TNS4: variants seen among roughly 807,000 people sequenced by gnomAD.
The protein encoded by TNS4 is tensin 4.
In TNS4, 46 loss-of-function variants were observed where a neutral mutation model predicts 70.4. The observed-to-expected ratio is 0.65, with a 90% confidence interval of 0.52 to 0.84. The LOEUF is 0.84. Among genes scored for constraint, TNS4 ranks in the 40% least tolerant of loss-of-function variants. The pLI is 0.00. For missense variants in TNS4, 863 were observed against 907.0 expected (o/e 0.95, Z 0.62); for synonymous variants, 390 against 366.6 (o/e 1.06, Z -0.73).
rs552620387 is a variant in TNS4 at position 40,488,816 on chromosome 17, C to T, written c.593G>A (p.Ser198Asn). 2 of 1,613,346 alleles carry T rather than the reference C, an allele frequency of 1.2e-6. No individual in the cohort carries two copies. Among genetic ancestry groups the T allele is most frequent in the African/African-American group, 1.3e-5 (1 of 74,898 alleles). ...RDVPRETRSSSESLIFSGNQG... is the reference protein window; with the variant it reads ...RDVPRETRSSNESLIFSGNQG... ...GTTCCCAGAGAAGATGAGGCTCTCA[C>T]TGCTGCTTCGTGTCTCTCGGGGGAC... Residue 198 changes from serine to asparagine, a missense_variant, in exon 3 of 13, where the codon AGT becomes AAT. By Grantham distance (46) the Ser-to-Asn change is conservative. Coordinates refer to ENST00000254051, the MANE Select transcript of TNS4 (RefSeq NM_032865.6).
chr17:40,479,533 G>T, intron 10 of TNS4, 141 bp downstream of exon 10: 1 of 1,000,982 alleles, frequency 1.0e-6, no homozygotes. Context: ...GCTGCCTGGA[G>T]TCACTCAGCA....
Position 40,478,437 on chromosome 17 carries a change from C to T in TNS4, c.1980-104G>A. 3.3e-6 allele frequency: 5 copies of T among 1,526,034 alleles called. No individual in the cohort carries two copies. The South Asian group carries it at 4.8e-5, about 15-fold the overall frequency. The allele number at this position is 1,526,034 out of a possible 1,614,324, so 94.5% of individuals were successfully genotyped here. The stretch of plus-strand genomic sequence containing the variant: ...CAGCTGCGTCCCCACCCCACCATGC[C>T]CCACCCTACCCTCATTCTGTCACCC... On this transcript the variant is annotated intron_variant, in intron 11 of 12. Transcript: ENST00000254051.
At chr17:40,500,598 C>T (rs2143840606) in intron 1 of TNS4, among the ~76,000 whole-genome samples, 1 of 152,258 alleles carries the variant, frequency 6.6e-6, no homozygotes, top group Non-Finnish European at 1.5e-5. Flanking sequence ...TCTGGGGAGT[C>T]CTGGTGCCTT....
chr17:40,481,522 G>A (rs900043221), intron 8 of TNS4, among the ~76,000 whole-genome samples: 1 of 152,018 alleles, frequency 6.6e-6, no homozygotes, highest in Non-Finnish European at 1.5e-5. Flanking sequence ...CCACCACCAC[G>A]CCCAGCTAAA....
chr17:40,492,528 C>T (rs929656227), intron 2 of TNS4, among the ~76,000 whole-genome samples: 1 of 152,042 alleles, frequency 6.6e-6, no homozygotes, highest in African/African-American at 2.4e-5. Flanking sequence ...CCATCACACC[C>T]AACTAATTTT....
chr17:40,492,094 A>G (rs7214311), intron 2 of TNS4, among the ~76,000 whole-genome samples: 48,458 of 151,978 alleles, frequency 0.32, 8,042 homozygotes, highest in South Asian at 0.44. Context: ...TTTGTGAAGC[A>G]CCCAGGAGGT....
rs766495057 is a variant in TNS4, at chr17:40,479,797, G to A, written c.1787C>T (p.Thr596Ile). The stretch of plus-strand genomic sequence containing the variant: ...GGCTTTCTGCACGGCCAGGGCTCCA[G>A]TCAGGGTCTCCACGCTCACTGAGCT... Reference protein sequence around the residue: ...YLSSVSVETLTGALAVQKAIS... With the variant: ...YLSSVSVETLIGALAVQKAIS... Residue 596 changes from threonine to isoleucine, a missense_variant, in exon 10 of 13, where the codon ACT (threonine) becomes ATT (isoleucine). Coordinates refer to ENST00000254051, the MANE Select transcript of TNS4 (RefSeq NM_032865.6). 6.2e-7 allele frequency: 1 copy of A among 1,613,914 alleles called. No homozygotes were observed. The highest frequency in any genetic ancestry group is 8.5e-7 in the Non-Finnish European group (1 of 1,179,996).
intron 1 of TNS4, among the ~76,000 whole-genome samples, chr17:40,499,288 C>T (rs572045896): frequency 8.5e-5 from 13 of 152,238 alleles, no homozygotes; most frequent in Non-Finnish European, 5.9e-5. Flanking sequence ...TGATCACGAC[C>T]CTCTCACACG....
Position 40,484,466 on chromosome 17 carries a change from A to C in TNS4, c.1501+18T>G, listed in dbSNP as rs747658554. 1.2e-6 allele frequency: 2 copies of C among 1,607,726 alleles called. No homozygotes were observed. Among genetic ancestry groups the C allele is most frequent in the East Asian group, 4.5e-5 (2 of 44,870 alleles). On this transcript the variant is annotated intron_variant, in intron 6 of 12. Transcript: ENST00000254051. The stretch of plus-strand genomic sequence containing the variant: ...TGCCTCAGTGAGGCCTTGAGTGAGC[A>C]CAGAGACAGACGCATACCTGGTCGA...
intron 4 of TNS4, among the ~76,000 whole-genome samples, chr17:40,485,317 G>C (rs962411681): frequency 1.3e-5 from 2 of 152,308 alleles, no homozygotes; most frequent in Admixed American, 1.3e-4. Context: ...TGAGTCCCCT[G>C]GTGAGGACTG....
Position 40,496,026 on chromosome 17 carries a change from T to A in TNS4, c.400A>T (p.Thr134Ser). The A allele has an allele frequency of 1.2e-6, 2 of 1,613,214 alleles. No individual in the cohort carries two copies. Among genetic ancestry groups the A allele is most frequent in the Admixed American group, 1.7e-5 (1 of 59,796 alleles). Reference sequence around the variant, plus strand: ...TCCTCCTTCTTTCTCATTGACATGGTGCTCTGGGCCAGCTCAGCCTGGGAG... The same window carrying A: ...TCCTCCTTCTTTCTCATTGACATGGAGCTCTGGGCCAGCTCAGCCTGGGAG... The part of the protein sequence containing the change: ...GGSQAELAQS[T>S]MSMRKKEESE... Residue 134 changes from threonine (T) to serine (S), a missense_variant, in exon 2 of 13, where the codon ACC becomes TCC. Thr to Ser is a moderately conservative substitution (Grantham distance 58, BLOSUM62 1). Coordinates refer to ENST00000254051, the MANE Select transcript of TNS4 (RefSeq NM_032865.6).
intron 2 of TNS4, among the ~76,000 whole-genome samples, chr17:40,492,704 G>A (rs1170808780): frequency 1.3e-5 from 2 of 151,528 alleles, no homozygotes; most frequent in African/African-American, 4.9e-5. Flanking sequence ...GGTAGCCTGG[G>A]CAACATGGTG....
chr17:40,490,452 G>C (rs933434109), intron 2 of TNS4, among the ~76,000 whole-genome samples: 16 of 152,232 alleles, frequency 1.1e-4, no homozygotes, highest in Admixed American at 7.8e-4. Context: ...CTTGCCTCTA[G>C]CTTCCTGGGA....
rs753641285 is a variant in TNS4 at position 40,478,661 on chromosome 17, G to A, written c.1911-13C>T. 18 of 1,613,562 alleles carry A rather than the reference G, an allele frequency of 1.1e-5. No individual in the cohort carries two copies. In the African/African-American group the frequency reaches 1.6e-4, roughly 14 times the overall value. ...CCGGAAAAACACCCTAGGAGGAGGC[G>A]GGGAGAGAAGGGAAGCGATGACAGC... On this transcript the variant is annotated splice_polypyrimidine_tract_variant and intron_variant, in intron 10 of 12. Transcript: ENST00000254051.
chr17:40,496,336 T>C lies in TNS4; in HGVS notation c.90A>G (p.Pro30=), dbSNP rs2036144468. 1 of 1,613,480 alleles carries C rather than the reference T, an allele frequency of 6.2e-7. No individual in the cohort carries two copies. Among genetic ancestry groups the C allele is most frequent in the South Asian group, 1.1e-5 (1 of 91,060 alleles). The stretch of plus-strand genomic sequence containing the variant: ...GGGGTGGCAGGCTGGGGCTGGGTGC[T>C]GGGTGCAGGGTCCTCCTGGGCTCAT... ...PCDEPRRTLH[P]APSPSLPPQC... is the part of the protein sequence containing the mutation. The change falls in exon 2 of 13, where the codon CCA becomes CCG. Residue 30 remains proline, a synonymous_variant. Coordinates refer to ENST00000254051, the MANE Select transcript of TNS4 (RefSeq NM_032865.6).
At chr17:40,478,958 G>T (rs962631479) in intron 10 of TNS4, among the ~76,000 whole-genome samples, 9 of 152,106 alleles carry the variant, frequency 5.9e-5, no homozygotes, top group African/African-American at 2.2e-4. Context: ...GTCATCTCTT[G>T]TTTCTCCCTG....
At chr17:40,495,026 C>CGGT (rs1458192150) in intron 2 of TNS4, among the ~76,000 whole-genome samples, 1 of 152,016 alleles carries the variant, frequency 6.6e-6, no homozygotes, top group Non-Finnish European at 1.5e-5. Context: ...CCTTTGGACT[C>CGGT]GGTGGTGCCC....
rs564405167 is a variant in TNS4, at chr17:40,487,727, G to A, written c.864-267C>T. 5.3e-5 allele frequency among the ~76,000 whole-genome samples: 8 copies of A among 152,312 alleles called. No individual in the cohort carries two copies. The South Asian group carries it at 1.0e-3, about 20-fold the overall frequency. On this transcript the variant is annotated intron_variant, in intron 3 of 12. Coordinates refer to ENST00000254051, the MANE Select transcript of TNS4 (RefSeq NM_032865.6). Reference sequence around the variant, plus strand: ...CCCCTGCAGGCTTTGGGCATAGGCTGGCCCACATTCCGTCTGCCTTCCCAG... The same window carrying A: ...CCCCTGCAGGCTTTGGGCATAGGCTAGCCCACATTCCGTCTGCCTTCCCAG...
At chr17:40,490,512 C>G (rs1259202037) in intron 2 of TNS4, among the ~76,000 whole-genome samples, 1 of 152,218 alleles carries the variant, frequency 6.6e-6, no homozygotes, top group Non-Finnish European at 1.5e-5. Flanking sequence ...TCCCACCTGC[C>G]TGGGGCCCTG....
Sources: gnomAD v4.1 joint callset for allele counts (sites outside exome capture counted in the v4.1 genomes callset) on GRCh38, gnomAD v4.1.1 for gene constraint, MANE v1.5 for transcripts, NCBI Gene and HGNC (gene_info 2026-07-23, HGNC 2026-07-21) for gene names.